Variants in TBC1D5 observed in about 807,000 individuals in gnomAD.
The protein encoded by TBC1D5 is TBC1 domain family, member 5.
In TBC1D5, 75 loss-of-function variants were observed where a neutral mutation model predicts 100.3. The ratio of observed to expected loss-of-function variants is 0.75; its 90% confidence interval spans 0.62 to 0.91. TBC1D5 has a LOEUF of 0.91. Ranked by LOEUF, TBC1D5 falls within the 40% of genes least tolerant of loss-of-function variation. The pLI, the probability that TBC1D5 is intolerant of heterozygous loss-of-function variation, is 0.00. For missense variants in TBC1D5, 910 were observed against 942.4 expected (o/e 0.97, Z 0.45); for synonymous variants, 323 against 325.6 (o/e 0.99, Z 0.09).
intron 1 of TBC1D5, among the ~76,000 whole-genome samples, chr3:17,724,777 ATGTG>A (rs1020692574): frequency 2.0e-5 from 3 of 152,102 alleles, no homozygotes; most frequent in Non-Finnish European, 4.4e-5. Context: ...TTTATGTAAT[ATGTG>A]TATGTGTGTG....
intron 2 of TBC1D5, among the ~76,000 whole-genome samples, chr3:17,558,614 G>A (rs770827410): frequency 6.6e-6 from 1 of 152,162 alleles, no homozygotes; most frequent in Non-Finnish European, 1.5e-5. Context: ...GATTAAATGG[G>A]AGTGAGAAAG....
At position 17,553,658 on chromosome 3, in the gene TBC1D5, A is replaced by T. The variant is rs189201810; in HGVS notation, c.-35-45053T>A. ...TATTTATGGTCTTTATTTAACCAAC[A>T]GTGTGAATAATCACACATTTCCCAT... On this transcript the variant is annotated intron_variant, in intron 2 of 21. Transcript: ENST00000253692. 2.6e-5 allele frequency among the ~76,000 whole-genome samples: 4 copies of T among 152,342 alleles called. No homozygotes were observed. The East Asian group carries it at 5.8e-4, about 22-fold the overall frequency.
chr3:17,274,452 T>C (rs2079762912), intron 15 of TBC1D5, among the ~76,000 whole-genome samples: 1 of 152,230 alleles, frequency 6.6e-6, no homozygotes, highest in South Asian at 2.1e-4. Flanking sequence ...CTCAAACTAA[T>C]AGCTGACATT....
chr3:17,462,676 A>G (rs753606999), intron 3 of TBC1D5, among the ~76,000 whole-genome samples: 37 of 152,120 alleles, frequency 2.4e-4, no homozygotes, highest in East Asian at 1.9e-4. Context: ...AGGTAAAAGG[A>G]AAGTTCACCT....
At chr3:17,383,854 G>T in intron 9 of TBC1D5, 59 bp downstream of exon 9, 1 of 1,327,424 alleles carries the variant, frequency 7.5e-7, no homozygotes, top group Non-Finnish European at 1.1e-6. Context: ...TCTATCATTT[G>T]TCAAGCTGTA....
At chr3:17,608,977 T>C (rs1428053971) in intron 2 of TBC1D5, among the ~76,000 whole-genome samples, 1 of 152,316 alleles carries the variant, frequency 6.6e-6, no homozygotes, top group Middle Eastern at 3.4e-3. Flanking sequence ...CCTACACTTA[T>C]TCCTTACCAT....
exon 18 of TBC1D5, chr3:17,214,225 A>T (rs2073337348): frequency 6.2e-7 from 1 of 1,611,732 alleles, no homozygotes; most frequent in Admixed American, 1.7e-5. Flanking sequence ...TTCTGCCCAT[A>T]GTTTTGCTGT....
At chr3:17,715,165 C>G (rs959017946) in intron 1 of TBC1D5, among the ~76,000 whole-genome samples, 3 of 152,190 alleles carry the variant, frequency 2.0e-5, no homozygotes, top group Non-Finnish European at 1.5e-5. Flanking sequence ...AAATCTGTCA[C>G]TCTTCAATAT....
chr3:17,560,454 T>TA (rs1272847484), intron 2 of TBC1D5, among the ~76,000 whole-genome samples: 2 of 151,704 alleles, frequency 1.3e-5, no homozygotes, highest in Non-Finnish European at 1.5e-5. Context: ...ACCCTGTCTC[T>TA]AAAAAAATTG....
chr3:17,539,686 G>A (rs9756505), intron 2 of TBC1D5, among the ~76,000 whole-genome samples: 4,503 of 152,254 alleles, frequency 0.03, 220 homozygotes, highest in African/African-American at 0.1. Flanking sequence ...GTCCTGAACT[G>A]TGGAATGCCC....
rs192116723 is a variant in TBC1D5 at position 17,330,160 on chromosome 3, G to A, written c.996-22026C>T. On this transcript the variant is annotated intron_variant, in intron 13 of 21. Transcript: ENST00000253692. ...TCCTCAACTTCCTCCCCATCTACCA[G>A]GCCCTTCCTCCTGTCTCCATTTTCT... Among the ~76,000 whole-genome samples the A allele has an allele frequency of 2.6e-5, 4 of 152,042 alleles. No individual in the cohort carries two copies. The East Asian group carries it at 7.7e-4, about 29-fold the overall frequency.
At chr3:17,378,964 T>C (rs942012377) in intron 9 of TBC1D5, among the ~76,000 whole-genome samples, 2 of 151,882 alleles carry the variant, frequency 1.3e-5, no homozygotes, top group African/African-American at 4.8e-5. Context: ...TAGTAAAAAA[T>C]AAATATTTAG....
intron 17 of TBC1D5, among the ~76,000 whole-genome samples, chr3:17,225,395 C>T (rs1437839067): frequency 7.4e-6 from 1 of 135,254 alleles, no homozygotes; most frequent in Non-Finnish European, 1.5e-5. Flanking sequence ...GCTGGGAGTG[C>T]ATCACTGCAC....
chr3:17,453,351 AT>A (rs1289229324), intron 3 of TBC1D5, among the ~76,000 whole-genome samples: 5 of 152,034 alleles, frequency 3.3e-5, no homozygotes, highest in African/African-American at 1.2e-4. Context: ...AAACAAAACA[AT>A]AAAAAAAAAG....
intron 1 of TBC1D5, among the ~76,000 whole-genome samples, chr3:17,724,166 C>A (rs557370667): frequency 2.6e-5 from 4 of 151,290 alleles, no homozygotes; most frequent in South Asian, 4.2e-4. Flanking sequence ...TGCAGCCTCA[C>A]TGGGCTCAAG....
intron 1 of TBC1D5, among the ~76,000 whole-genome samples, chr3:17,628,054 G>C (rs1339066913): frequency 6.6e-6 from 1 of 151,938 alleles, no homozygotes; most frequent in Non-Finnish European, 1.5e-5. Context: ...AATCTAACAA[G>C]TATTGTACCT....
At chr3:17,454,490 C>T (rs1039598031) in intron 3 of TBC1D5, among the ~76,000 whole-genome samples, 4 of 152,062 alleles carry the variant, frequency 2.6e-5, no homozygotes, top group African/African-American at 9.6e-5. Flanking sequence ...GATGGAGTCT[C>T]GCTCTGTCAC....
At chr3:17,454,932 G>A (rs192317235) in intron 3 of TBC1D5, among the ~76,000 whole-genome samples, 11 of 151,578 alleles carry the variant, frequency 7.3e-5, no homozygotes, top group Non-Finnish European at 1.5e-4. Context: ...AACTGAAGAG[G>A]ACAACAACAA....
At chr3:17,627,727 A>G (rs2063174625) in intron 1 of TBC1D5, among the ~76,000 whole-genome samples, 1 of 151,938 alleles carries the variant, frequency 6.6e-6, no homozygotes, top group South Asian at 2.1e-4. Flanking sequence ...ACGAAAACTA[A>G]ATATCTGAGG....
Sources: allele counts gnomAD v4.1 joint callset (sites outside exome capture counted in the v4.1 genomes callset), GRCh38; gene constraint gnomAD v4.1.1; transcripts MANE v1.5; gene names NCBI Gene and HGNC (gene_info 2026-07-23, HGNC 2026-07-21).